The following IL7R variants were observed in gnomAD, a reference collection of about 807,000 sequenced individuals.
IL7R encodes the protein interleukin-7 receptor subunit alpha.
In IL7R, 38 loss-of-function variants were observed where a neutral mutation model predicts 47.0. That is an observed-to-expected ratio of 0.81 (90% CI 0.62 to 1.06). The LOEUF is 1.06. Ranked by LOEUF, IL7R falls within the 50% of genes least tolerant of loss-of-function variation. The pLI is 0.00. For synonymous variants in IL7R, 221 were observed against 199.8 expected, an observed-to-expected ratio of 1.11 and a Z score of -0.89; for missense variants, 633 against 534.8, an observed-to-expected ratio of 1.18 and a Z score of -1.81.
intron 2 of IL7R, among the ~76,000 whole-genome samples, chr5:35,866,064 C>T (rs771954700): frequency 1.3e-5 from 2 of 152,048 alleles, no homozygotes; most frequent in Non-Finnish European, 2.9e-5. Context: ...TGTAAATGCT[C>T]TTTATCAGAT....
intron 7 of IL7R, 115 bp from the exon 8 acceptor site, chr5:35,875,868 G>A (rs533891782): frequency 6.0e-6 from 7 of 1,170,642 alleles, no homozygotes; most frequent in Admixed American, 3.6e-5. Flanking sequence ...GGAACATGCT[G>A]GCAATTCTGT....
rs1760233691 is a variant in IL7R, at chr5:35,876,924, C to A, written c.*438C>A. ...CGCACCTTGTCTCACTCCATCCTGA[C>A]AATAATCCTGGGAGGTGTGTGCAAT... is the stretch of plus-strand genomic sequence containing the variant. On this transcript the variant is annotated 3_prime_UTR_variant, in exon 8 of 8. Coordinates refer to ENST00000303115, the MANE Select transcript of IL7R (RefSeq NM_002185.5). The A allele has an allele frequency of 3.8e-6, 1 of 262,192 alleles. No homozygotes were observed. Among genetic ancestry groups the A allele is most frequent in the Non-Finnish European group, 7.4e-6 (1 of 135,014 alleles). 16.2% of individuals were successfully genotyped at this position (262,192 alleles called of 1,614,324 possible).
At chr5:35,874,634 G>C in intron 6 of IL7R, 92 bp downstream of exon 6, 1 of 967,884 alleles carries the variant, frequency 1.0e-6, no homozygotes, top group Non-Finnish European at 1.7e-6. Context: ...AACCACAAAG[G>C]GGATTAAGGC....
intron 5 of IL7R, among the ~76,000 whole-genome samples, chr5:35,873,952 G>A (rs1760141237): frequency 1.3e-5 from 2 of 152,202 alleles, no homozygotes; most frequent in South Asian, 4.2e-4. Context: ...ATTTAGCCTG[G>A]GACCCCAATG....
At chr5:35,858,077 C>G (rs1177548464) in intron 1 of IL7R, among the ~76,000 whole-genome samples, 1 of 152,072 alleles carries the variant, frequency 6.6e-6, no homozygotes, top group African/African-American at 2.4e-5. Context: ...CTAAACTTTG[C>G]CTTGGATTTC....
In IL7R at chr5:35,879,095, C is replaced by A. The variant is rs1246612536; in HGVS notation, c.*2609C>A. The A allele has an allele frequency of 4.3e-6, 1 of 232,598 alleles. No individual in the cohort carries two copies. Among genetic ancestry groups the A allele is most frequent in the Admixed American group, 5.6e-5 (1 of 17,758 alleles). 14.4% of individuals were successfully genotyped at this position (232,598 alleles called of 1,614,324 possible). On this transcript the variant is annotated 3_prime_UTR_variant, in exon 8 of 8. Coordinates refer to ENST00000303115, the MANE Select transcript of IL7R (RefSeq NM_002185.5). ...GATTTTATTAGGAAAAAAAAATAAA[C>A]CTCCTGATCGGAGACAATGTATTAA...
rs1420903739 is a variant in IL7R at position 35,860,999 on chromosome 5, T to C, written c.221+9T>C. On this transcript the variant is annotated intron_variant, in intron 2 of 7. Coordinates refer to ENST00000303115, the MANE Select transcript of IL7R (RefSeq NM_002185.5). ...CTGGAATTTGAAATATGGTGAGGGA[T>C]GGTGGTTTTAATGGTTGCTTAGACA... 5 of 1,613,088 alleles carry C rather than the reference T, an allele frequency of 3.1e-6. No individual in the cohort carries two copies. In the South Asian group the frequency reaches 5.5e-5, roughly 18 times the overall value.
intron 2 of IL7R, among the ~76,000 whole-genome samples, chr5:35,867,066 T>G (rs1366858695): frequency 6.6e-6 from 1 of 152,196 alleles, no homozygotes; most frequent in African/African-American, 2.4e-5. Flanking sequence ...AAATATGTCT[T>G]GACTATTTCA....
chr5:35,868,865 C>A (rs1376317701), intron 3 of IL7R, among the ~76,000 whole-genome samples: 3 of 152,164 alleles, frequency 2.0e-5, no homozygotes, highest in African/African-American at 7.2e-5. Flanking sequence ...ACCTCCAAAT[C>A]CCCATATCCC....
rs1365126170 is a variant in IL7R, at chr5:35,876,406, G to A, written c.1300G>A (p.Gly434Ser). The change falls in exon 8 of 8, where the codon GGT (glycine) becomes AGT (serine). Residue 434 changes from glycine to serine, a missense_variant. Physicochemically the swap from Gly to Ser is moderately conservative, Grantham distance 56 (BLOSUM62 0). Transcript: ENST00000303115. ...GILTLNPVAQ[G>S]QPILTSLGSN... is the part of the protein sequence containing the mutation. ...CCTGACATTGAACCCAGTTGCTCAG[G>A]GTCAGCCCATTCTTACTTCCCTGGG... The A allele has an allele frequency of 1.9e-6, 3 of 1,612,798 alleles. No homozygotes were observed. The highest frequency in any genetic ancestry group is 1.7e-6 in the Non-Finnish European group (2 of 1,179,980).
intron 7 of IL7R, 40 bp from the exon 8 acceptor site, chr5:35,875,942 TC>T (rs773211948): frequency 1.2e-6 from 2 of 1,600,342 alleles, no homozygotes; most frequent in African/African-American, 2.7e-5. Flanking sequence ...GGTGTGTCTC[TC>T]TGGTGCCATC....
In IL7R at chr5:35,879,105, G is replaced by A. The variant is rs1439365192; in HGVS notation, c.*2619G>A. 4.7e-5 allele frequency: 11 copies of A among 232,714 alleles called. No individual in the cohort carries two copies. The highest frequency in any genetic ancestry group is 3.6e-4 in the South Asian group (2 of 5,508). 14.4% of individuals were successfully genotyped at this position (232,714 alleles called of 1,614,324 possible). On this transcript the variant is annotated 3_prime_UTR_variant, in exon 8 of 8. Coordinates refer to ENST00000303115, the MANE Select transcript of IL7R (RefSeq NM_002185.5). ...GGAAAAAAAAATAAACCTCCTGATC[G>A]GAGACAATGTATTAATCAGAAGTGT... is the stretch of plus-strand genomic sequence containing the variant.
intron 1 of IL7R, among the ~76,000 whole-genome samples, chr5:35,858,851 T>TCTA (rs1759727676): frequency 6.6e-6 from 1 of 152,192 alleles, no homozygotes; most frequent in African/African-American, 2.4e-5. Context: ...ACACATGTCT[T>TCTA]AGAGAAGTTG....
chr5:35,865,730 T>C (rs1759922779), intron 2 of IL7R, among the ~76,000 whole-genome samples: 1 of 151,966 alleles, frequency 6.6e-6, no homozygotes, highest in Non-Finnish European at 1.5e-5. Flanking sequence ...ATATCCAGAA[T>C]CTACAATGAA....
At chr5:35,859,237 T>G (rs1258208449) in intron 1 of IL7R, among the ~76,000 whole-genome samples, 1 of 152,182 alleles carries the variant, frequency 6.6e-6, no homozygotes, top group South Asian at 2.1e-4. Flanking sequence ...TAGAGTGTGC[T>G]GTCTCTATTG....
rs1286864679 is a variant in IL7R at position 35,878,759 on chromosome 5, A to G, written c.*2273A>G. The G allele has an allele frequency of 4.3e-6, 1 of 232,940 alleles. No individual in the cohort carries two copies. Among genetic ancestry groups the G allele is most frequent in the Admixed American group, 5.6e-5 (1 of 17,772 alleles). 14.4% of individuals were successfully genotyped at this position (232,940 alleles called of 1,614,324 possible). On this transcript the variant is annotated 3_prime_UTR_variant, in exon 8 of 8. Transcript: ENST00000303115. Reference sequence around the variant, plus strand: ...CACAGGAAGACAGGTAAATTACCCAACCTCACACGTTAAGTCAGAACTGGG... The same window carrying G: ...CACAGGAAGACAGGTAAATTACCCAGCCTCACACGTTAAGTCAGAACTGGG...
At chr5:35,861,160 T>A (rs1181961212) in intron 2 of IL7R, among the ~76,000 whole-genome samples, 170 bp downstream of exon 2, 3 of 152,130 alleles carry the variant, frequency 2.0e-5, no homozygotes, top group Non-Finnish European at 4.4e-5. Context: ...AAAACACTCA[T>A]ACAAATCTCC....
intron 2 of IL7R, among the ~76,000 whole-genome samples, chr5:35,861,421 G>A (rs1237675826): frequency 6.6e-6 from 1 of 152,142 alleles, no homozygotes; most frequent in Non-Finnish European, 1.5e-5. Flanking sequence ...GTTATGTAAT[G>A]TATCTATGCC....
intron 5 of IL7R, 150 bp from the exon 6 acceptor site, chr5:35,874,299 T>C: frequency 1.4e-6 from 1 of 721,426 alleles, no homozygotes; most frequent in Admixed American, 2.0e-5. Context: ...AATCCCTCCA[T>C]AAAGCTGTCA....
Sources: gnomAD v4.1 joint callset for allele counts (sites outside exome capture counted in the v4.1 genomes callset) on GRCh38, gnomAD v4.1.1 for gene constraint, MANE v1.5 for transcripts, NCBI Gene and HGNC (gene_info 2026-07-23, HGNC 2026-07-21) for gene names.